STAB2: variants seen among roughly 807,000 people sequenced by gnomAD.
STAB2 encodes the protein stabilin-2.
A neutral mutation model predicts 338.1 loss-of-function variants in STAB2; 288 were observed. The observed-to-expected ratio is 0.85, with a 90% CI of 0.77 to 0.94. The LOEUF is 0.94. Ranked by LOEUF, STAB2 falls within the 40% of genes least tolerant of loss-of-function variation. The pLI, the probability that STAB2 is intolerant of heterozygous loss-of-function variation, is 0.00. For synonymous variants in STAB2, 1,202 were observed against 1,193.3 expected (o/e 1.01, Z -0.15); for missense variants, 3,141 against 3,210.1 (o/e 0.98, Z 0.52).
At chr12:103,681,783 A>C (rs538770354) in intron 25 of STAB2, among the ~76,000 whole-genome samples, 1 of 151,816 alleles carries the variant, frequency 6.6e-6, no homozygotes, top group Non-Finnish European at 1.5e-5. Context: ...CACCACACCC[A>C]GCTAATTTTT....
chr12:103,610,473 G>A (rs139925690), intron 3 of STAB2, among the ~76,000 whole-genome samples: 2,218 of 152,220 alleles, frequency 0.015, 19 homozygotes, highest in Non-Finnish European at 0.025. Context: ...GTTTATTTGC[G>A]TGGAGGTGTT....
intron 22 of STAB2, among the ~76,000 whole-genome samples, chr12:103,673,353 T>G (rs1228383027): frequency 6.6e-6 from 1 of 151,972 alleles, no homozygotes; most frequent in Non-Finnish European, 1.5e-5. Flanking sequence ...TTTTTTTATT[T>G]GTTTTGTTTT....
rs753367742 is a variant in STAB2, at chr12:103,703,208, C to T, written c.3775C>T (p.His1259Tyr). The T allele has an allele frequency of 6.3e-5, 101 of 1,613,888 alleles. No homozygotes were observed. Among genetic ancestry groups the T allele is most frequent in the Non-Finnish European group, 8.6e-5 (101 of 1,180,014 alleles). Reference sequence around the variant, plus strand: ...TGTAGCCACTGATAAGGGAGTGATCCATGGCTTGGGAAAAGTTCTGGAAAT... The same window carrying T: ...TGTAGCCACTGATAAGGGAGTGATCTATGGCTTGGGAAAAGTTCTGGAAAT... ...TNVATDKGVI[H>Y]GLGKVLEIQK... The change falls in exon 35 of 69, where the codon CAT becomes TAT. Residue 1259 changes from histidine (H) to tyrosine (Y), a missense_variant. Coordinates refer to ENST00000388887, the MANE Select transcript of STAB2 (RefSeq NM_017564.10).
chr12:103,745,133 T>C, intron 56 of STAB2, 40 bp from the exon 57 acceptor site: 1 of 1,573,772 alleles, frequency 6.4e-7, no homozygotes, highest in Non-Finnish European at 8.7e-7. Context: ...TGATTGGGTC[T>C]CAACCCCTGA....
chr12:103,691,757 G>T lies in STAB2; in HGVS notation c.3298-1055G>T, dbSNP rs138304073. On this transcript the variant is annotated intron_variant, in intron 30 of 68. Transcript: ENST00000388887. ...CCTATGTCCTATATAAATATCTCCT[G>T]CCAGGAGGGTTTTCTTCAGGTCCTC... 4.7e-3 allele frequency among the ~76,000 whole-genome samples: 712 copies of T among 152,234 alleles called. 6 individuals are homozygous for T. The highest frequency in any genetic ancestry group is 0.016 in the African/African-American group (680 of 41,520).
At chr12:103,713,900 G>T (rs765258987) in intron 42 of STAB2, 132 bp downstream of exon 42, 123 of 1,433,864 alleles carry the variant, frequency 8.6e-5, no homozygotes, top group Non-Finnish European at 1.1e-4. Flanking sequence ...GGGCAGGAAA[G>T]TATAAGGGCA....
intron 51 of STAB2, 78 bp from the exon 52 acceptor site, chr12:103,735,413 T>G: frequency 9.3e-7 from 1 of 1,075,246 alleles, no homozygotes; most frequent in Non-Finnish European, 1.3e-6. Flanking sequence ...TGAATTTGGT[T>G]TTTTGGTAAA....
chr12:103,708,846 TCAC>T (rs773697384), intron 39 of STAB2, among the ~76,000 whole-genome samples: 38 of 152,272 alleles, frequency 2.5e-4, no homozygotes, highest in Non-Finnish European at 5.3e-4. Context: ...CTTTTCCACT[TCAC>T]AATATATATA....
At chr12:103,607,988 T>C (rs1333204697) in intron 3 of STAB2, among the ~76,000 whole-genome samples, 4 of 152,214 alleles carry the variant, frequency 2.6e-5, no homozygotes, top group Admixed American at 2.6e-4. Context: ...GTTGAACTAG[T>C]TTACAGTCCC....
intron 5 of STAB2, among the ~76,000 whole-genome samples, chr12:103,628,036 C>T (rs1158964665): frequency 6.6e-6 from 1 of 152,210 alleles, no homozygotes; most frequent in Non-Finnish European, 1.5e-5. Flanking sequence ...ATAGTACACT[C>T]CCTCCTCACC....
At chr12:103,759,055 T>C (rs1220060802) in intron 64 of STAB2, 78 bp from the exon 65 acceptor site, 7 of 1,610,700 alleles carry the variant, frequency 4.3e-6, no homozygotes. Context: ...AGCAATTTTC[T>C]TCGTCATCCC....
chr12:103,590,710 A>C (rs1298812073), intron 1 of STAB2, among the ~76,000 whole-genome samples, 187 bp from the exon 2 acceptor site: 2 of 152,158 alleles, frequency 1.3e-5, no homozygotes, highest in African/African-American at 4.8e-5. Flanking sequence ...ATTGCTTATT[A>C]ATCTCAATAC....
intron 12 of STAB2, among the ~76,000 whole-genome samples, chr12:103,653,171 T>TC (rs1257655890): frequency 2.6e-5 from 4 of 151,650 alleles, no homozygotes; most frequent in Non-Finnish European, 5.9e-5. Flanking sequence ...AAACCCATCC[T>TC]CCCCCACCCC....
At chr12:103,692,553 TTCTTTC>T (rs1279997319) in intron 30 of STAB2, among the ~76,000 whole-genome samples, 3 of 152,190 alleles carry the variant, frequency 2.0e-5, no homozygotes, top group Non-Finnish European at 4.4e-5. Context: ...TATTATTTCT[TTCTTTC>T]TCTTTCTCTT....
At chr12:103,615,524 G>A (rs1353309711) in intron 3 of STAB2, among the ~76,000 whole-genome samples, 1 of 152,190 alleles carries the variant, frequency 6.6e-6, no homozygotes, top group Admixed American at 6.5e-5. Flanking sequence ...GGAGTCATGA[G>A]AAGTGTAGTC....
At chr12:103,620,641 A>ACACACACACACACGTG (rs1366153189) in intron 4 of STAB2, 88 bp downstream of exon 4, 400 of 1,037,420 alleles carry the variant, frequency 3.9e-4, no homozygotes, top group Non-Finnish European at 5.3e-4. Context: ...ACACACACAC[A>ACACACACACACACGTG]CACACACACA....
In STAB2 at chr12:103,758,286, T is replaced by C; in HGVS notation, c.7104T>C (p.Asn2368=). 1 of 1,613,202 alleles carries C rather than the reference T, an allele frequency of 6.2e-7. No individual in the cohort carries two copies. The highest frequency in any genetic ancestry group is 8.5e-7 in the Non-Finnish European group (1 of 1,179,976). ...CACAGAACAGTGGGCTGGGGGAGAA[T>C]GAGGTGAGTTGAGTCCCTGGTGCCT... ...FVPQNSGLGE[N]ETLSGRDIEH... The change falls in exon 64 of 69, where the codon AAT becomes AAC. Residue 2368 remains asparagine (N), a synonymous_variant. Coordinates refer to ENST00000388887, the MANE Select transcript of STAB2 (RefSeq NM_017564.10).
At chr12:103,612,733 C>T (rs1414623421) in intron 3 of STAB2, among the ~76,000 whole-genome samples, 1 of 152,186 alleles carries the variant, frequency 6.6e-6, no homozygotes, top group African/African-American at 2.4e-5. Context: ...TGGTGAGGAG[C>T]TGCATTCCTT....
chr12:103,626,864 CAA>C, intron 5 of STAB2, among the ~76,000 whole-genome samples: 1 of 152,288 alleles, frequency 6.6e-6, no homozygotes, highest in East Asian at 1.9e-4. Flanking sequence ...CTGCACCAGC[CAA>C]AGATTTTCAT....
Sources: gnomAD v4.1 joint callset for allele counts (sites outside exome capture counted in the v4.1 genomes callset) on GRCh38, gnomAD v4.1.1 for gene constraint, MANE v1.5 for transcripts, NCBI Gene and HGNC (gene_info 2026-07-23, HGNC 2026-07-21) for gene names.